The following IFNGR2 variants were observed in gnomAD, a reference collection of about 807,000 sequenced individuals.
IFNGR2 encodes the protein IFN-gamma receptor 2.
A neutral mutation model predicts 41.1 loss-of-function variants in IFNGR2; 15 were observed. That is an observed-to-expected ratio of 0.37 (90% CI 0.24 to 0.56). The LOEUF is 0.56. Among genes scored for constraint, IFNGR2 ranks in the 20% least tolerant of loss-of-function variants. IFNGR2 has a pLI of 0.81. For synonymous variants in IFNGR2, 161 were observed against 171.6 expected, an observed-to-expected ratio of 0.94 and a Z score of 0.48; for missense variants, 362 against 415.7, an observed-to-expected ratio of 0.87 and a Z score of 1.12.
chr21:33,421,331 C>CAAAA lies in IFNGR2; in HGVS notation c.207-133_207-130dup, dbSNP rs569309072. 4.5e-4 allele frequency: 208 copies of CAAAA among 461,288 alleles called. 2 individuals carry two copies. The highest frequency in any genetic ancestry group is 1.2e-3 in the Middle Eastern group (2 of 1,710). The allele number at this position is 461,288 out of a possible 1,614,324, so 28.6% of individuals were successfully genotyped here. On this transcript the variant is annotated intron_variant, in intron 2 of 6. Transcript: ENST00000290219. ...TGGGTGACAGAGCAAAACTCCATCT[C>CAAAA]AAAAAAAAAAAAAAAAAAAGCGGGG...
At position 33,437,003 on chromosome 21, in the gene IFNGR2, T is replaced by G; in HGVS notation, c.*41T>G. ...TAGCCCACTGGCTCCCTGGAAGAGA[T>G]CAAGCCATCGGAGCTGCTAGAGTTC... On this transcript the variant is annotated 3_prime_UTR_variant, in exon 7 of 7. Coordinates refer to ENST00000290219, the MANE Select transcript of IFNGR2 (RefSeq NM_005534.4). 1 of 1,610,956 alleles carries G rather than the reference T, an allele frequency of 6.2e-7. No individual in the cohort carries two copies. The highest frequency in any genetic ancestry group is 1.7e-5 in the Admixed American group (1 of 59,998).
At chr21:33,436,744 A>G in intron 6 of IFNGR2, 84 bp from the exon 7 acceptor site, 1 of 1,144,710 alleles carries the variant, frequency 8.7e-7, no homozygotes, top group Non-Finnish European at 1.3e-6. Flanking sequence ...AATAAAAATA[A>G]AATAAAAACA....
At chr21:33,421,379 A>C in intron 2 of IFNGR2, 101 bp from the exon 3 acceptor site, 1 of 870,506 alleles carries the variant, frequency 1.1e-6, no homozygotes, top group Non-Finnish European at 1.9e-6. Context: ...GTACATATAA[A>C]TTGTATCTCA....
At position 33,432,886 on chromosome 21, in the gene IFNGR2, ATCTCT is replaced by A. The variant is rs756156431; in HGVS notation, c.879+17_879+21del. The A allele has an allele frequency of 6.5e-7, 1 of 1,528,982 alleles. No homozygotes were observed. Among genetic ancestry groups the A allele is most frequent in the Non-Finnish European group, 8.9e-7 (1 of 1,125,070 alleles). The allele number at this position is 1,528,982 out of a possible 1,614,324, so 94.7% of individuals were successfully genotyped here. ...AGATAGAAGAGGTACGTGTGCACAC[ATCTCT>A]TTTTTTTTTTTTGAGACAGGGTCTT... On this transcript the variant is annotated intron_variant, in intron 6 of 6. Coordinates refer to ENST00000290219, the MANE Select transcript of IFNGR2 (RefSeq NM_005534.4).
rs1235212724 is a variant in IFNGR2 at position 33,426,857 on chromosome 21, G to A, written c.413-27G>A. 2.5e-6 allele frequency: 4 copies of A among 1,599,478 alleles called. No homozygotes were observed. The East Asian group carries it at 8.9e-5, about 36-fold the overall frequency. ...CTATAATACATATGTGTATGTGTGT[G>A]GTTTTCTCTTTGTAATTCTTTTTCA... On this transcript the variant is annotated intron_variant, in intron 3 of 6. Coordinates refer to ENST00000290219, the MANE Select transcript of IFNGR2 (RefSeq NM_005534.4).
Position 33,403,559 on chromosome 21 carries a change from CTG to C in IFNGR2, c.19_20del (p.Trp7ValfsTer50). ...GCCCGGGGCCATGCGACCGACGCTG[CTG>C]TGGTCGCTGCTGCTGCTGCTCGGAG... MRPTL[L>X]WSLLLLLGVF... On this transcript the variant is annotated frameshift_variant, in exon 1 of 7. Transcript: ENST00000290219. LOFTEE classifies it high-confidence loss of function. 1 of 1,363,904 alleles carries C rather than the reference CTG, an allele frequency of 7.3e-7. No individual in the cohort carries two copies. Among genetic ancestry groups the C allele is most frequent in the East Asian group, 3.3e-5 (1 of 30,188 alleles). 84.5% of individuals were successfully genotyped at this position (1,363,904 alleles called of 1,614,324 possible).
chr21:33,405,247 A>G (rs1261485675), intron 1 of IFNGR2, among the ~76,000 whole-genome samples: 1 of 152,200 alleles, frequency 6.6e-6, no homozygotes, highest in Non-Finnish European at 1.5e-5. Flanking sequence ...TCGAGAATTT[A>G]GAAGATTCTT....
intron 4 of IFNGR2, among the ~76,000 whole-genome samples, chr21:33,431,244 G>GACTA (rs905991936): frequency 7.2e-5 from 11 of 152,200 alleles, no homozygotes; most frequent in African/African-American, 2.7e-4. Context: ...TTTCTCTGTT[G>GACTA]ACTAACTTGA....
At chr21:33,404,956 T>C (rs2083666835) in intron 1 of IFNGR2, among the ~76,000 whole-genome samples, 1 of 152,112 alleles carries the variant, frequency 6.6e-6, no homozygotes, top group Non-Finnish European at 1.5e-5. Context: ...AACCCCCGTC[T>C]GTGCTAAAAA....
At chr21:33,423,328 C>T (rs971232201) in intron 3 of IFNGR2, among the ~76,000 whole-genome samples, 5 of 149,460 alleles carry the variant, frequency 3.3e-5, no homozygotes, top group African/African-American at 9.9e-5. Context: ...CGTGAGCCAC[C>T]GCACCCAGCC....
intron 6 of IFNGR2, among the ~76,000 whole-genome samples, chr21:33,435,846 T>C (rs1433609870): frequency 1.6e-5 from 2 of 123,760 alleles, no homozygotes; most frequent in Admixed American, 1.1e-4. Context: ...TCCACGCCAC[T>C]GCACTCCAGC....
intron 1 of IFNGR2, chr21:33,411,375 A>G: frequency 2.2e-6 from 1 of 463,728 alleles, no homozygotes; most frequent in Non-Finnish European, 4.5e-6. Context: ...GAATGCTTAG[A>G]CTGGGGAACT....
chr21:33,421,528 T>G lies in IFNGR2; in HGVS notation c.255T>G (p.Asn85Lys), dbSNP rs757139767. ...CCGACATCATGTCCATAGGGGTGAA[T>G]TGTACACAGATCACAGCAACAGAGT... Reference protein sequence around the residue: ...FTADIMSIGVNCTQITATECD... With the variant: ...FTADIMSIGVKCTQITATECD... The change falls in exon 3 of 7, where the codon AAT (asparagine) becomes AAG (lysine). Residue 85 changes from asparagine to lysine, a missense_variant. Physicochemically the swap from Asn to Lys is moderately conservative, Grantham distance 94. Transcript: ENST00000290219. 3 of 1,613,928 alleles carry G rather than the reference T, an allele frequency of 1.9e-6. No individual in the cohort carries two copies. The Admixed American group carries it at 5.0e-5, about 27-fold the overall frequency.
Position 33,414,829 on chromosome 21 carries a change from T to A in IFNGR2, c.74-59T>A, listed in dbSNP as rs1267172008. 2.0e-6 allele frequency: 3 copies of A among 1,528,826 alleles called. No homozygotes were observed. In the African/African-American group the frequency reaches 4.1e-5, roughly 21 times the overall value. 94.7% of individuals were successfully genotyped at this position (1,528,826 alleles called of 1,614,324 possible). A position where few individuals can be genotyped will look rare whatever the true frequency, so the allele number is the denominator to read the frequency against. ...GATAATGGACATTGAAACATTTTTG[T>A]AATTATTTCCCTCTCTCTCCTCCCT... On this transcript the variant is annotated intron_variant, in intron 1 of 6. Coordinates refer to ENST00000290219, the MANE Select transcript of IFNGR2 (RefSeq NM_005534.4).
chr21:33,436,309 A>G (rs1331052526), intron 6 of IFNGR2, among the ~76,000 whole-genome samples: 2 of 152,138 alleles, frequency 1.3e-5, no homozygotes, highest in Non-Finnish European at 2.9e-5. Flanking sequence ...AGCCTGGGCA[A>G]CAACGTGAAA....
At chr21:33,426,798 T>G (rs905268347) in intron 3 of IFNGR2, 86 bp from the exon 4 acceptor site, 6 of 778,914 alleles carry the variant, frequency 7.7e-6, no homozygotes, top group Non-Finnish European at 1.3e-5. Flanking sequence ...TATATACATA[T>G]ATATATAGCA....
intron 2 of IFNGR2, among the ~76,000 whole-genome samples, chr21:33,419,744 G>C (rs1002249923): frequency 1.3e-5 from 2 of 152,192 alleles, no homozygotes; most frequent in Non-Finnish European, 2.9e-5. Flanking sequence ...AAGAGAGGTT[G>C]CTGGGTCAAA....
chr21:33,418,089 C>G (rs2083766188), intron 2 of IFNGR2, among the ~76,000 whole-genome samples: 1 of 152,110 alleles, frequency 6.6e-6, no homozygotes, highest in South Asian at 2.1e-4. Flanking sequence ...GTGGCGTGAT[C>G]TCAGCTGACT....
chr21:33,432,366 A>G (rs1298302129), intron 5 of IFNGR2, 30 bp downstream of exon 5: 1 of 1,600,768 alleles, frequency 6.2e-7, no homozygotes, highest in Admixed American at 1.7e-5. Flanking sequence ...GTCCTTTCTG[A>G]ACTGGGAAAA....
Sources: gnomAD v4.1 joint callset for allele counts (sites outside exome capture counted in the v4.1 genomes callset) on GRCh38, gnomAD v4.1.1 for gene constraint, MANE v1.5 for transcripts, NCBI Gene and HGNC (gene_info 2026-07-23, HGNC 2026-07-21) for gene names.